The following BCAS3 variants were observed in gnomAD, a reference collection of about 807,000 sequenced individuals.
BCAS3 encodes BCAS4/BCAS3 fusion.
Under a neutral mutation model 116.1 loss-of-function variants are expected in BCAS3, and 53 were observed. The observed-to-expected ratio is 0.46, with a 90% CI of 0.37 to 0.57. The LOEUF (loss-of-function observed/expected upper bound fraction) is 0.57, where lower values mean the gene tolerates loss of function less well. Ranked by LOEUF, BCAS3 falls within the 20% of genes least tolerant of loss-of-function variation. BCAS3 has a pLI of 0.00. For missense variants in BCAS3, 917 were observed against 1,165.4 expected, an observed-to-expected ratio of 0.79 and a Z score of 3.10; for synonymous variants, 391 against 408.2, an observed-to-expected ratio of 0.96 and a Z score of 0.51.
chr17:60,752,991 C>T (rs534994166), intron 6 of BCAS3, among the ~76,000 whole-genome samples: 4 of 150,940 alleles, frequency 2.7e-5, no homozygotes, highest in African/African-American at 9.7e-5. Context: ...ACTACAGGCA[C>T]ACGTCAGCAT....
At chr17:60,824,059 C>T (rs1245309401) in intron 7 of BCAS3, among the ~76,000 whole-genome samples, 4 of 152,140 alleles carry the variant, frequency 2.6e-5, no homozygotes, top group Non-Finnish European at 5.9e-5. Context: ...CTATAATAAA[C>T]TTTCATTATG....
rs993355075 is a variant in BCAS3, at chr17:61,235,502, A to G, written c.2426-132825A>G. 2.0e-5 allele frequency among the ~76,000 whole-genome samples: 3 copies of G among 152,330 alleles called. No individual in the cohort carries two copies. The highest frequency in any genetic ancestry group is 3.4e-3 in the Middle Eastern group (1 of 294). ...GTTCAAATTTATTAACAAGGGCTTA[A>G]TTTCATTCCAAACAGATTGTGAGGT... On this transcript the variant is annotated intron_variant, in intron 22 of 23. Coordinates refer to ENST00000407086, the MANE Select transcript of BCAS3 (RefSeq NM_017679.5). This position sits in a 1 kb window ranked among gnomAD's most constrained non-coding sequence, Gnocchi z 5.0.
intron 13 of BCAS3, 67 bp from the exon 14 acceptor site, chr17:60,947,152 C>T: frequency 4.9e-6 from 7 of 1,438,818 alleles, no homozygotes; most frequent in Non-Finnish European, 3.8e-6. Flanking sequence ...TTGTGAATAG[C>T]TTTTTAGAAT....
chr17:60,827,669 C>G (rs2050552569), intron 7 of BCAS3, among the ~76,000 whole-genome samples: 1 of 152,152 alleles, frequency 6.6e-6, no homozygotes, highest in Non-Finnish European at 1.5e-5. Context: ...CCATCACATT[C>G]CAATCAAGAT....
chr17:61,282,055 T>A lies in BCAS3; in HGVS notation c.2426-86272T>A, dbSNP rs1479522531. On this transcript the variant is annotated intron_variant, in intron 22 of 23. Transcript: ENST00000407086. The surrounding 1 kb of genome is among the most constrained non-coding windows in gnomAD (Gnocchi z 5.9). ...ACAACTAACTATAACACATTCAAAC[T>A]AGTTACTAGGTACCTGCCTCCTGCA... Among the ~76,000 whole-genome samples the A allele has an allele frequency of 6.6e-6, 1 of 152,206 alleles. No homozygotes were observed. The highest frequency in any genetic ancestry group is 2.4e-5 in the African/African-American group (1 of 41,462).
rs1483003969 is a variant in BCAS3 at position 60,689,939 on chromosome 17, A to T, written c.214+178A>T. 2.0e-5 allele frequency among the ~76,000 whole-genome samples: 3 copies of T among 152,244 alleles called. No homozygotes were observed. The East Asian group carries it at 5.8e-4, about 29-fold the overall frequency. On this transcript the variant is annotated intron_variant, in intron 4 of 23. Transcript: ENST00000407086. ...ACTTTAGAACTAATATTGTGTAATAAGCCTTAAAGTAACTATAACACAGTG... is the reference window on the plus strand; with the variant it reads ...ACTTTAGAACTAATATTGTGTAATATGCCTTAAAGTAACTATAACACAGTG...
chr17:61,172,061 T>C (rs912180929), intron 22 of BCAS3, among the ~76,000 whole-genome samples: 1 of 152,192 alleles, frequency 6.6e-6, no homozygotes, highest in Non-Finnish European at 1.5e-5. Context: ...AGAGAACATA[T>C]CAGTTCTGAA....
intron 14 of BCAS3, among the ~76,000 whole-genome samples, chr17:60,965,903 A>G (rs770836269): frequency 4.6e-5 from 7 of 152,008 alleles, no homozygotes; most frequent in Non-Finnish European, 8.8e-5. Context: ...TGTTGATTTT[A>G]TGTCTGAATG....
Position 61,038,443 on chromosome 17 carries a change from C to T in BCAS3, c.1928+389C>T, listed in dbSNP as rs184170670. ...AATTTTTTTGTATTTTTATTAGAGA[C>T]GGAGTTTCACCATGTTGGCCAGGAT... On this transcript the variant is annotated intron_variant, in intron 18 of 23. Coordinates refer to ENST00000407086, the MANE Select transcript of BCAS3 (RefSeq NM_017679.5). Among the ~76,000 whole-genome samples, 287 of 151,700 alleles carry T rather than the reference C, an allele frequency of 1.9e-3. 1 individual carries two copies. The highest frequency in any genetic ancestry group is 6.4e-3 in the African/African-American group (265 of 41,418).
At chr17:60,963,492 A>G (rs2061504794) in intron 14 of BCAS3, among the ~76,000 whole-genome samples, 1 of 151,582 alleles carries the variant, frequency 6.6e-6, no homozygotes, top group Non-Finnish European at 1.5e-5. Flanking sequence ...GCTATTACAA[A>G]TGGGATTGCT....
intron 6 of BCAS3, among the ~76,000 whole-genome samples, chr17:60,756,169 ATTAG>A (rs2042968093): frequency 6.6e-6 from 1 of 152,142 alleles, no homozygotes; most frequent in Non-Finnish European, 1.5e-5. Flanking sequence ...ATCATCAGGC[ATTAG>A]TTAGATTCTC....
chr17:60,703,898 C>T (rs1395758556), intron 4 of BCAS3, among the ~76,000 whole-genome samples: 2 of 133,382 alleles, frequency 1.5e-5, no homozygotes, highest in South Asian at 2.3e-4. Flanking sequence ...GCCTGGGCAA[C>T]GAAGACAGAC....
rs1316925844 is a variant in BCAS3, at chr17:61,021,639, G to A, written c.1637+5738G>A. Among the ~76,000 whole-genome samples the A allele has an allele frequency of 2.6e-5, 4 of 152,196 alleles. No individual in the cohort carries two copies. Among genetic ancestry groups the A allele is most frequent in the African/African-American group, 7.2e-5 (3 of 41,442 alleles). On this transcript the variant is annotated intron_variant, in intron 16 of 23. Coordinates refer to ENST00000407086, the MANE Select transcript of BCAS3 (RefSeq NM_017679.5). The surrounding 1 kb of genome is among the most constrained non-coding windows in gnomAD (Gnocchi z 4.6). ...GGTCCCATTTCTAAGCCTCAGGACTGTTGAGCAGCCGTAAGCCAGTGCTGA... is the reference window on the plus strand; with the variant it reads ...GGTCCCATTTCTAAGCCTCAGGACTATTGAGCAGCCGTAAGCCAGTGCTGA...
At position 60,961,130 on chromosome 17, in the gene BCAS3, G is replaced by A. The variant is rs2061393403; in HGVS notation, c.1221+13778G>A. 6.6e-6 allele frequency among the ~76,000 whole-genome samples: 1 copy of A among 152,098 alleles called. No individual in the cohort carries two copies. Among genetic ancestry groups the A allele is most frequent in the African/African-American group, 2.4e-5 (1 of 41,406 alleles). Reference sequence around the variant, plus strand: ...CAGAAGATCCAAAGGAAGTATTATTGAATGGTAAAATAAGAAGCACTCTGA... The same window carrying A: ...CAGAAGATCCAAAGGAAGTATTATTAAATGGTAAAATAAGAAGCACTCTGA... On this transcript the variant is annotated intron_variant, in intron 14 of 23. Transcript: ENST00000407086. This position sits in a 1 kb window ranked among gnomAD's most constrained non-coding sequence, Gnocchi z 4.8.
Position 61,258,217 on chromosome 17 carries a change from C to G in BCAS3, c.2426-110110C>G, listed in dbSNP as rs2048935217. ...TCTGAATATCTTTGTCTTTAATAGT[C>G]ATTGCCCTCTTATGGGACTTACCAT... is the stretch of plus-strand genomic sequence containing the variant. On this transcript the variant is annotated intron_variant, in intron 22 of 23. Coordinates refer to ENST00000407086, the MANE Select transcript of BCAS3 (RefSeq NM_017679.5). The surrounding 1 kb of genome is among the most constrained non-coding windows in gnomAD (Gnocchi z 4.7). Among the ~76,000 whole-genome samples, 1 of 152,208 alleles carries G rather than the reference C, an allele frequency of 6.6e-6. No individual in the cohort carries two copies. Among genetic ancestry groups the G allele is most frequent in the African/African-American group, 2.4e-5 (1 of 41,440 alleles).
chr17:60,879,904 A>G (rs1305982466), intron 9 of BCAS3, among the ~76,000 whole-genome samples: 1 of 152,244 alleles, frequency 6.6e-6, no homozygotes, highest in Non-Finnish European at 1.5e-5. Flanking sequence ...ATGAGAATTC[A>G]TTGATAGGTT....
chr17:61,339,451 A>G lies in BCAS3; in HGVS notation c.2426-28876A>G, dbSNP rs775018572. Among the ~76,000 whole-genome samples, 2 of 152,182 alleles carry G rather than the reference A, an allele frequency of 1.3e-5. No homozygotes were observed. The highest frequency in any genetic ancestry group is 2.4e-5 in the African/African-American group (1 of 41,448). On this transcript the variant is annotated intron_variant, in intron 22 of 23. Transcript: ENST00000407086. This position sits in a 1 kb window ranked among gnomAD's most constrained non-coding sequence, Gnocchi z 4.4. ...TTGACCAGACCAAGGCTTTGCAGGT[A>G]AACTAGGGAATCTCAGCATCTAAAG...
intron 19 of BCAS3, among the ~76,000 whole-genome samples, chr17:61,061,641 A>T (rs2070051554): frequency 6.6e-6 from 1 of 152,212 alleles, no homozygotes; most frequent in South Asian, 2.1e-4. Flanking sequence ...TGCTCTACTC[A>T]TCCTAGTATC....
chr17:60,888,539 A>T (rs929070438), intron 9 of BCAS3, among the ~76,000 whole-genome samples: 3 of 152,304 alleles, frequency 2.0e-5, no homozygotes, highest in Non-Finnish European at 2.9e-5. Flanking sequence ...TAATCTATTC[A>T]ATGGTCTAAT....
Sources: allele counts gnomAD v4.1 joint callset (sites outside exome capture counted in the v4.1 genomes callset), GRCh38; gene constraint gnomAD v4.1.1; non-coding constraint Gnocchi (gnomAD v3.1); transcripts MANE v1.5; gene names NCBI Gene and HGNC (gene_info 2026-07-23, HGNC 2026-07-21).